The following PSMD14 variants were observed in gnomAD, a reference collection of about 807,000 sequenced individuals.
PSMD14 encodes proteasome 26S subunit, non-ATPase 14.
A neutral mutation model predicts 41.2 loss-of-function variants in PSMD14; 7 were observed. That is an observed-to-expected ratio of 0.17 (90% CI 0.10 to 0.32). The LOEUF is 0.32. Among genes scored for constraint, PSMD14 ranks in the 10% least tolerant of loss-of-function variants. The pLI is 1.00. For missense variants in PSMD14, 139 were observed against 375.6 expected (o/e 0.37, Z 5.21); for synonymous variants, 114 against 122.3 (o/e 0.93, Z 0.45).
chr2:161,322,434 GT>G (rs1682621471), intron 3 of PSMD14, among the ~76,000 whole-genome samples: 2 of 152,094 alleles, frequency 1.3e-5, no homozygotes, highest in African/African-American at 4.8e-5. Flanking sequence ...TTGTTGCCCA[GT>G]CTGGAGTACA....
chr2:161,403,910 ATTT>A (rs1000876605), intron 10 of PSMD14, among the ~76,000 whole-genome samples: 1 of 145,450 alleles, frequency 6.9e-6, no homozygotes, highest in African/African-American at 2.5e-5. Flanking sequence ...ATGAATTTAA[ATTT>A]TTTTTTTTTT....
chr2:161,315,382 A>G (rs181506863), intron 1 of PSMD14, among the ~76,000 whole-genome samples: 20 of 152,216 alleles, frequency 1.3e-4, no homozygotes, highest in African/African-American at 4.8e-4. Context: ...TTCATCTTTG[A>G]TTTTGTAGTA....
chr2:161,397,942 A>T (rs1301534060), intron 10 of PSMD14, among the ~76,000 whole-genome samples: 2 of 152,200 alleles, frequency 1.3e-5, no homozygotes, highest in East Asian at 3.8e-4. Context: ...TAAAAAAGTT[A>T]TGACTTAAGT....
Position 161,383,667 on chromosome 2 carries a change from T to C in PSMD14, c.463-1797T>C, listed in dbSNP as rs1332609433. The C allele has an allele frequency of 2.6e-5, 4 of 151,600 alleles. No individual in the cohort carries two copies. In the East Asian group the frequency reaches 5.8e-4, roughly 22 times the overall value. 9.4% of individuals were successfully genotyped at this position (151,600 alleles called of 1,614,324 possible). On this transcript the variant is annotated intron_variant, in intron 7 of 11. Transcript: ENST00000409682. ...GAAATTTTCATAATTTTGTAGTAGC[T>C]TTTTCTCCCTCTCACAAATGAATTT... is the stretch of plus-strand genomic sequence containing the variant.
chr2:161,341,121 G>A, intron 3 of PSMD14: 3 of 1,312,720 alleles, frequency 2.3e-6, no homozygotes, highest in South Asian at 1.8e-5. Flanking sequence ...CTCCGGCCCC[G>A]CGGGCGAGGC....
At chr2:161,345,236 CTTTTTTTTTTT>C (rs869245727) in intron 3 of PSMD14, among the ~76,000 whole-genome samples, 1 of 57,020 alleles carries the variant, frequency 1.8e-5, no homozygotes, top group African/African-American at 7.4e-5. Flanking sequence ...ATCTCTGTGT[CTTTTTTTTTTT>C]TTTTTTTTTT....
At chr2:161,409,782 T>C (rs1346743813) in intron 11 of PSMD14, 1 of 152,040 alleles carries the variant, frequency 6.6e-6, no homozygotes, top group Non-Finnish European at 1.5e-5. Flanking sequence ...AATGAGAAAA[T>C]CAAATTTCAC....
At chr2:161,373,661 G>T (rs543902907) in intron 7 of PSMD14, among the ~76,000 whole-genome samples, 12 of 152,006 alleles carry the variant, frequency 7.9e-5, no homozygotes, top group African/African-American at 2.6e-4. Flanking sequence ...ATTAGATCAA[G>T]AATTAAAATG....
chr2:161,340,867 C>T (rs878946670), intron 3 of PSMD14: 145 of 1,613,808 alleles, frequency 9.0e-5, no homozygotes, highest in Non-Finnish European at 1.2e-4. Context: ...ATCATCTTCT[C>T]GTACTGGTTT....
chr2:161,361,394 C>A (rs1030829243), intron 3 of PSMD14, among the ~76,000 whole-genome samples: 6 of 151,802 alleles, frequency 4.0e-5, no homozygotes, highest in African/African-American at 1.5e-4. Context: ...CAATTAGCCA[C>A]AGAACAGCCT....
At chr2:161,404,970 C>G (rs1324402425) in intron 10 of PSMD14, among the ~76,000 whole-genome samples, 1 of 152,186 alleles carries the variant, frequency 6.6e-6, no homozygotes, top group African/African-American at 2.4e-5. Flanking sequence ...CATTTCCTCT[C>G]ATTTGAAATG....
chr2:161,385,429 T>TA (rs555240162), intron 7 of PSMD14, 35 bp from the exon 8 acceptor site: 546 of 1,368,464 alleles, frequency 4.0e-4, no homozygotes, highest in Middle Eastern at 8.9e-4. Context: ...ACTTGCTTTT[T>TA]AAAAAAAAAT....
At chr2:161,357,970 A>G (rs578196442) in intron 3 of PSMD14, among the ~76,000 whole-genome samples, 1 of 151,918 alleles carries the variant, frequency 6.6e-6, no homozygotes, top group Non-Finnish European at 1.5e-5. Context: ...AATAGTTCAC[A>G]TACTGTATAA....
intron 1 of PSMD14, among the ~76,000 whole-genome samples, chr2:161,315,038 T>A (rs1193495459): frequency 3.9e-5 from 6 of 152,232 alleles, no homozygotes; most frequent in Admixed American, 3.9e-4. Context: ...TCTAGGGTAT[T>A]ATCATCTCAA....
chr2:161,388,926 T>C (rs1420343337), intron 8 of PSMD14, among the ~76,000 whole-genome samples: 4 of 152,124 alleles, frequency 2.6e-5, no homozygotes, highest in Admixed American at 2.0e-4. Context: ...GGTTGACTTA[T>C]GATTTGGGAG....
At chr2:161,334,126 G>T (rs1308670686) in intron 3 of PSMD14, among the ~76,000 whole-genome samples, 1 of 151,912 alleles carries the variant, frequency 6.6e-6, no homozygotes, top group African/African-American at 2.4e-5. Flanking sequence ...TGAGGTTGGG[G>T]GTTCGAGACC....
intron 3 of PSMD14, among the ~76,000 whole-genome samples, chr2:161,351,726 G>T (rs1050443940): frequency 6.6e-6 from 1 of 152,136 alleles, no homozygotes; most frequent in Non-Finnish European, 1.5e-5. Context: ...TGTCTACATG[G>T]GTCGTCTGGG....
intron 10 of PSMD14, among the ~76,000 whole-genome samples, chr2:161,398,963 A>T (rs1051059603): frequency 2.6e-5 from 4 of 152,136 alleles, no homozygotes; most frequent in African/African-American, 9.6e-5. Context: ...GAATAAACTT[A>T]GAAAACTCTT....
chr2:161,381,316 A>T (rs1683567934), intron 7 of PSMD14: 1 of 151,162 alleles, frequency 6.6e-6, no homozygotes, highest in Non-Finnish European at 1.5e-5. Flanking sequence ...TGATTGTTTC[A>T]TTTTTAAGCT....
Sources: allele counts gnomAD v4.1 joint callset (sites outside exome capture counted in the v4.1 genomes callset), GRCh38; gene constraint gnomAD v4.1.1; transcripts MANE v1.5; gene names NCBI Gene and HGNC (gene_info 2026-07-23, HGNC 2026-07-21).